CEP63: variants seen among roughly 807,000 people sequenced by gnomAD.
The protein encoded by CEP63 is centrosomal protein 63.
Under a neutral mutation model 89.1 loss-of-function variants are expected in CEP63, and 84 were observed. The observed-to-expected ratio is 0.94, with a 90% CI of 0.79 to 1.13. The LOEUF is 1.13. Ranked by LOEUF, CEP63 falls within the 50% of genes most tolerant of loss-of-function variation. The pLI is 0.00. For missense variants in CEP63, 838 were observed against 813.3 expected (o/e 1.03, Z -0.37); for synonymous variants, 267 against 272.5 (o/e 0.98, Z 0.20).
the CEP63 span, chr3:134,608,193 G>C: frequency 8.5e-7 from 1 of 1,176,700 alleles, no homozygotes; most frequent in Admixed American, 3.7e-5. Context: ...TTGGGGAAGA[G>C]AACACAGCAG....
chr3:134,549,669 T>G (rs1012428001), intron 10 of CEP63, among the ~76,000 whole-genome samples: 1 of 152,166 alleles, frequency 6.6e-6, no homozygotes, highest in African/African-American at 2.4e-5. Context: ...TCTTTAAGAT[T>G]ACTTCTAGTT....
At chr3:134,499,842 G>A (rs867084477) in intron 2 of CEP63, among the ~76,000 whole-genome samples, 2 of 12,338 alleles carry the variant, frequency 1.6e-4, no homozygotes, top group Admixed American at 1.5e-3. Flanking sequence ...TTTTTTTTTT[G>A]AGATGGAGTC....
intron 12 of CEP63, among the ~76,000 whole-genome samples, chr3:134,557,468 T>G (rs1956465278): frequency 6.8e-6 from 1 of 146,914 alleles, no homozygotes; most frequent in East Asian, 2.0e-4. Flanking sequence ...TGCATAATAC[T>G]AATTAAAATA....
chr3:134,630,817 C>T, the CEP63 span, among the ~76,000 whole-genome samples: 1 of 151,988 alleles, frequency 6.6e-6, no homozygotes, highest in African/African-American at 2.4e-5. Context: ...ACTCCACACA[C>T]AAAAAACCAG....
At chr3:134,646,809 C>T in the CEP63 span, among the ~76,000 whole-genome samples, 5 of 152,126 alleles carry the variant, frequency 3.3e-5, no homozygotes, top group Non-Finnish European at 7.3e-5. Flanking sequence ...CCTTCACGTG[C>T]CCACTGTGCA....
At chr3:134,608,776 G>A in the CEP63 span, 1 of 1,614,038 alleles carries the variant, frequency 6.2e-7, no homozygotes, top group Admixed American at 1.7e-5. Flanking sequence ...GCCAGTTCTT[G>A]TTGTCTGGGA....
At chr3:134,614,510 A>T in the CEP63 span, among the ~76,000 whole-genome samples, 4 of 151,948 alleles carry the variant, frequency 2.6e-5, no homozygotes, top group Non-Finnish European at 5.9e-5. Context: ...CCAATCAGAG[A>T]AGCCCCAAGG....
chr3:134,629,782 A>C, the CEP63 span: 1 of 814,734 alleles, frequency 1.2e-6, no homozygotes, highest in Non-Finnish European at 2.1e-6. Flanking sequence ...ATAAAAAAAC[A>C]ATTAGTTTTA....
chr3:134,632,366 C>T, the CEP63 span, among the ~76,000 whole-genome samples: 1 of 151,862 alleles, frequency 6.6e-6, no homozygotes, highest in Non-Finnish European at 1.5e-5. Context: ...TCCTTGGTCA[C>T]AAAACAAACC....
chr3:134,539,499 T>C (rs1951553376), intron 6 of CEP63, among the ~76,000 whole-genome samples: 1 of 152,174 alleles, frequency 6.6e-6, no homozygotes, highest in Admixed American at 6.5e-5. Flanking sequence ...TAATAACTTC[T>C]TAATATAATT....
chr3:134,774,392 G>A, the CEP63 span, among the ~76,000 whole-genome samples: 1 of 152,298 alleles, frequency 6.6e-6, no homozygotes, highest in African/African-American at 2.4e-5. Context: ...ATGTAACAAA[G>A]AGTAAAATTG....
chr3:134,675,866 A>G, the CEP63 span, among the ~76,000 whole-genome samples: 3 of 152,220 alleles, frequency 2.0e-5, no homozygotes, highest in African/African-American at 7.2e-5. Context: ...TACGTAATAA[A>G]AAAGATAGAT....
the CEP63 span, among the ~76,000 whole-genome samples, chr3:134,612,581 G>A: frequency 6.6e-6 from 1 of 152,196 alleles, no homozygotes; most frequent in Non-Finnish European, 1.5e-5. Context: ...GGGTAGAGGT[G>A]TAGGGGTGGG....
At position 134,507,009 on chromosome 3, in the gene CEP63, A is replaced by G. The variant is rs1943627856; in HGVS notation, c.45-100A>G. On this transcript the variant is annotated intron_variant, in intron 2 of 14. Transcript: ENST00000675561. ...TTACATTAATGTCATTTAATTATTT[A>G]CTTCAGGTAGATTTACATCTGCTAT... The G allele has an allele frequency of 6.6e-6, 5 of 752,964 alleles. No individual in the cohort carries two copies. In the South Asian group the frequency reaches 7.6e-5, roughly 11 times the overall value. 46.6% of individuals were successfully genotyped at this position (752,964 alleles called of 1,614,324 possible).
chr3:134,559,907 A>G (rs371262586), intron 14 of CEP63, among the ~76,000 whole-genome samples: 3 of 152,212 alleles, frequency 2.0e-5, no homozygotes, highest in African/African-American at 7.2e-5. Context: ...TGCCTTGGAC[A>G]CCATGCCGGT....
chr3:134,720,894 T>C, the CEP63 span, among the ~76,000 whole-genome samples: 2 of 152,160 alleles, frequency 1.3e-5, no homozygotes, highest in Non-Finnish European at 2.9e-5. Flanking sequence ...TAGTAACTAC[T>C]GAAATCAGGA....
At chr3:134,511,735 A>G (rs1401332629) in intron 3 of CEP63, among the ~76,000 whole-genome samples, 1 of 152,162 alleles carries the variant, frequency 6.6e-6, no homozygotes, top group Non-Finnish European at 1.5e-5. Context: ...GGGAAGTGCT[A>G]CATACCTTTA....
intron 3 of CEP63, among the ~76,000 whole-genome samples, chr3:134,508,258 G>A (rs9813774): frequency 0.66 from 100,310 of 152,098 alleles, 33,473 homozygotes; most frequent in East Asian, 0.81. Flanking sequence ...AAAGTAGTGC[G>A]TGGCAACACT....
intron 2 of CEP63, among the ~76,000 whole-genome samples, chr3:134,501,435 A>C (rs1941960245): frequency 6.6e-6 from 1 of 152,156 alleles, no homozygotes; most frequent in Non-Finnish European, 1.5e-5. Context: ...CGGCCGTTTT[A>C]ACTGTATAAA....
Sources: allele counts gnomAD v4.1 joint callset (sites outside exome capture counted in the v4.1 genomes callset), GRCh38; gene constraint gnomAD v4.1.1; transcripts MANE v1.5; gene names NCBI Gene and HGNC (gene_info 2026-07-23, HGNC 2026-07-21).